The following POGLUT2 variants were observed in gnomAD, a reference collection of about 807,000 sequenced individuals.
POGLUT2 encodes ER protein 58.
POGLUT2 carries 47 observed loss-of-function variants against 57.6 expected under a neutral mutation model. That is an observed-to-expected ratio of 0.82 (90% confidence interval 0.65 to 1.04). The LOEUF is 1.04. POGLUT2 is among the 50% of genes least tolerant of loss of function. The pLI is 0.00. For missense variants in POGLUT2, 565 were observed against 614.8 expected (o/e 0.92, Z 0.86); for synonymous variants, 200 against 218.8 (o/e 0.91, Z 0.76).
chr13:102,789,512 T>C (rs1878087397), intron 6 of POGLUT2, among the ~76,000 whole-genome samples: 1 of 152,218 alleles, frequency 6.6e-6, no homozygotes, highest in African/African-American at 2.4e-5. Flanking sequence ...ATGGATTCAT[T>C]TGTGACTTTT....
chr13:102,796,957 C>A lies in POGLUT2; in HGVS notation c.235G>T (p.Glu79Ter). The A allele has an allele frequency of 6.2e-7, 1 of 1,613,850 alleles. No individual in the cohort carries two copies. Among genetic ancestry groups the A allele is most frequent in the Non-Finnish European group, 8.5e-7 (1 of 1,179,894 alleles). The change falls in exon 2 of 10, where the codon GAG becomes TAG. Residue 79 changes from glutamate (E) to a stop codon, truncating the protein, a stop_gained. Coordinates refer to ENST00000376004, the MANE Select transcript of POGLUT2 (RefSeq NM_024089.3). LOFTEE classifies it high-confidence loss of function. ...KVFQVKVSAP[E>*]EQFTRVGVQV... ...ACTCCAACTCTAGTGAATTGCTCCT[C>A]TGGTGCTGAGACTTTCACCTGGAAG... is the stretch of plus-strand genomic sequence containing the variant.
Position 102,791,059 on chromosome 13 carries a change from C to G in POGLUT2, c.925G>C (p.Gly309Arg), listed in dbSNP as rs886333231. 1.9e-6 allele frequency: 3 copies of G among 1,614,068 alleles called. No individual in the cohort carries two copies. In the African/African-American group the frequency reaches 4.0e-5, roughly 22 times the overall value. ...AGTCTCTCTTTGCGGCTGTCTCGCCCTCTCCAGACGGCAGTGGAATTTTTG... is the reference window on the plus strand; with the variant it reads ...AGTCTCTCTTTGCGGCTGTCTCGCCGTCTCCAGACGGCAGTGGAATTTTTG... ...ESKNSTAVWR[G>R]RDSRKERLEL... The change falls in exon 6 of 10, where the codon GGG (glycine) becomes CGG (arginine). Residue 309 changes from glycine (G) to arginine (R), a missense_variant. Gly to Arg is a moderately radical substitution (Grantham distance 125). Transcript: ENST00000376004.
intron 4 of POGLUT2, 36 bp from the exon 5 acceptor site, chr13:102,791,466 C>T (rs368872305): frequency 6.1e-4 from 941 of 1,534,454 alleles, no homozygotes; most frequent in Non-Finnish European, 7.7e-4. Flanking sequence ...ATTCACATTT[C>T]CTGCATTGGA....
chr13:102,791,852 G>T, intron 4 of POGLUT2: 1 of 516,234 alleles, frequency 1.9e-6, no homozygotes, highest in Non-Finnish European at 3.1e-6. Flanking sequence ...CAGCAACGTA[G>T]TAAGTTTCAA....
At chr13:102,789,644 C>A (rs1878093983) in intron 6 of POGLUT2, among the ~76,000 whole-genome samples, 1 of 152,242 alleles carries the variant, frequency 6.6e-6, no homozygotes, top group Non-Finnish European at 1.5e-5. Flanking sequence ...GTCACTCAGG[C>A]TGGAGTGTAG....
rs370376272 is a variant in POGLUT2, at chr13:102,784,423, TA to T, written c.*71del. 66 of 915,036 alleles carry T rather than the reference TA, an allele frequency of 7.2e-5. No homozygotes were observed. Among genetic ancestry groups the T allele is most frequent in the East Asian group, 6.3e-4 (26 of 41,300 alleles). 56.7% of individuals were successfully genotyped at this position (915,036 alleles called of 1,614,324 possible). A position where few individuals can be genotyped will look rare whatever the true frequency, so the allele number is the denominator to read the frequency against. On this transcript the variant is annotated 3_prime_UTR_variant, in exon 10 of 10. Transcript: ENST00000376004. ...TTATATTGTCCATGGAATTAATACT[TA>T]AAAAAATTCTTCTTTTTAGTTAAGA...
At position 102,793,391 on chromosome 13, in the gene POGLUT2, C is replaced by T. The variant is rs765486551; in HGVS notation, c.622G>A (p.Val208Ile). The T allele has an allele frequency of 1.3e-6, 2 of 1,592,488 alleles. No homozygotes were observed. Among genetic ancestry groups the T allele is most frequent in the Non-Finnish European group, 8.6e-7 (1 of 1,160,774 alleles). Residue 208 changes from valine (V) to isoleucine (I), a missense_variant, in exon 4 of 10, where the codon GTA (valine) becomes ATA (isoleucine). Coordinates refer to ENST00000376004, the MANE Select transcript of POGLUT2 (RefSeq NM_024089.3). ...GCATCCATGAAAATTCTAAAACCTA[C>T]ATGTTCACCATGAGTCTTGATATAA... ...KVYIKTHGEH[V>I]GFRIFMDAIL...
intron 7 of POGLUT2, 81 bp downstream of exon 7, chr13:102,788,931 T>A (rs1264901666): frequency 1.7e-6 from 2 of 1,187,418 alleles, no homozygotes; most frequent in Non-Finnish European, 2.5e-6. Flanking sequence ...TCCTGGATGC[T>A]CTCCAGGTAC....
chr13:102,790,809 T>C (rs1445183160), intron 6 of POGLUT2, 92 bp downstream of exon 6: 1 of 870,084 alleles, frequency 1.1e-6, no homozygotes, highest in Non-Finnish European at 1.9e-6. Context: ...CTCCCACCTC[T>C]TGAAATTTGC....
intron 4 of POGLUT2, 38 bp downstream of exon 4, chr13:102,793,303 A>T: frequency 8.8e-7 from 1 of 1,135,244 alleles, no homozygotes; most frequent in Non-Finnish European, 1.3e-6. Context: ...ATCTGGGCTT[A>T]AATTATCTAT....
chr13:102,794,473 C>A (rs1878298805), intron 2 of POGLUT2, among the ~76,000 whole-genome samples: 1 of 151,832 alleles, frequency 6.6e-6, no homozygotes, highest in Non-Finnish European at 1.5e-5. Context: ...ACCAGCCTGG[C>A]CAACATGTTG....
At chr13:102,786,102 T>A in intron 9 of POGLUT2, 130 bp downstream of exon 9, 2 of 652,314 alleles carry the variant, frequency 3.1e-6, no homozygotes, top group Admixed American at 5.0e-5. Context: ...TCTGGCAGAC[T>A]GAATTGCTTG....
At chr13:102,787,955 T>C in intron 7 of POGLUT2, 32 bp from the exon 8 acceptor site, 5 of 1,410,478 alleles carry the variant, frequency 3.5e-6, no homozygotes, top group Non-Finnish European at 4.0e-6. Flanking sequence ...AATCCTGTAA[T>C]AGAATCCATT....
chr13:102,793,699 G>T lies in POGLUT2; in HGVS notation c.496C>A (p.His166Asn). The part of the protein sequence containing the change: ...TIAQIQRDLA[H>N]FPAVDPEKIA... Reference sequence around the variant, plus strand: ...TTTTCTGGATCCACAGCAGGGAAATGTGCCAGATCTCTCTGAATCTGAGCA... The same window carrying T: ...TTTTCTGGATCCACAGCAGGGAAATTTGCCAGATCTCTCTGAATCTGAGCA... Residue 166 changes from histidine (H) to asparagine (N), a missense_variant, in exon 3 of 10, where the codon CAT becomes AAT. Physicochemically the swap from His to Asn is moderately conservative, Grantham distance 68. Transcript: ENST00000376004. 1.2e-6 allele frequency: 2 copies of T among 1,614,112 alleles called. No homozygotes were observed. Among genetic ancestry groups the T allele is most frequent in the Non-Finnish European group, 1.7e-6 (2 of 1,179,966 alleles).
At chr13:102,791,909 G>T in intron 4 of POGLUT2, 1 of 959,976 alleles carries the variant, frequency 1.0e-6, no homozygotes, top group Non-Finnish European at 1.4e-6. Flanking sequence ...TATGTAAAGA[G>T]GATATGTTTT....
intron 9 of POGLUT2, 118 bp from the exon 10 acceptor site, chr13:102,784,630 G>T: frequency 1.5e-6 from 1 of 655,328 alleles, no homozygotes; most frequent in Non-Finnish European, 2.8e-6. Flanking sequence ...GCTGCTAGAG[G>T]CTTTTAGGGC....
intron 2 of POGLUT2, among the ~76,000 whole-genome samples, chr13:102,794,929 TTCTTTTTTTTTTTTTTTTTAAG>T (rs1283162561): frequency 7.6e-6 from 1 of 131,148 alleles, no homozygotes; most frequent in East Asian, 2.3e-4. Flanking sequence ...GGAACTGCTA[TTCTTTTTTTTTTTTTTTTTAAG>T]AATTATTAAG....
chr13:102,793,950 A>G, intron 2 of POGLUT2, 144 bp from the exon 3 acceptor site: 3 of 736,796 alleles, frequency 4.1e-6, no homozygotes, highest in Non-Finnish European at 6.7e-6. Context: ...TTTTAAGAGA[A>G]TTACAGGCCA....
At chr13:102,793,121 A>C in intron 4 of POGLUT2, 2 of 478,834 alleles carry the variant, frequency 4.2e-6, no homozygotes, top group Non-Finnish European at 7.5e-6. Flanking sequence ...GCCAGAGAAT[A>C]CATTTCTGTT....
Sources: gnomAD v4.1 joint callset for allele counts (sites outside exome capture counted in the v4.1 genomes callset) on GRCh38, gnomAD v4.1.1 for gene constraint, MANE v1.5 for transcripts, NCBI Gene and HGNC (gene_info 2026-07-23, HGNC 2026-07-21) for gene names.